The following MERTK variants were observed in gnomAD, a reference collection of about 807,000 sequenced individuals.
MERTK encodes the protein tyrosine-protein kinase Mer.
MERTK carries 69 observed loss-of-function variants against 99.3 expected under a neutral mutation model. The ratio of observed to expected loss-of-function variants is 0.70; its 90% CI spans 0.57 to 0.85. The LOEUF is 0.85. Among genes scored for constraint, MERTK ranks in the 40% least tolerant of loss-of-function variants. The pLI is 0.00. For missense variants in MERTK, 1,125 were observed against 1,249.4 expected, an observed-to-expected ratio of 0.90 and a Z score of 1.50; for synonymous variants, 426 against 467.6, an observed-to-expected ratio of 0.91 and a Z score of 1.15.
intron 8 of MERTK, among the ~76,000 whole-genome samples, chr2:111,983,788 C>T (rs1676419223): frequency 6.6e-6 from 1 of 152,198 alleles, no homozygotes; most frequent in Non-Finnish European, 1.5e-5. Context: ...ACTTCACTGC[C>T]CACGTGACTA....
intron 1 of MERTK, among the ~76,000 whole-genome samples, chr2:111,900,938 A>G (rs1447677620): frequency 1.3e-5 from 2 of 152,164 alleles, no homozygotes; most frequent in African/African-American, 2.4e-5. Flanking sequence ...GAGAGAGACA[A>G]TGAGAATATG....
At chr2:112,027,326 A>G (rs1677485174) in intron 18 of MERTK, among the ~76,000 whole-genome samples, 2 of 151,526 alleles carry the variant, frequency 1.3e-5, no homozygotes, top group African/African-American at 4.8e-5. Context: ...ATATACACAC[A>G]CATATGGCAT....
At chr2:112,019,335 T>TC (rs761929913) in intron 15 of MERTK, 78 bp from the exon 16 acceptor site, 7 of 1,022,430 alleles carry the variant, frequency 6.8e-6, no homozygotes, top group East Asian at 2.4e-5. Context: ...AAAGCATCCT[T>TC]TCCCCCCCCG....
In MERTK at chr2:111,975,280, T is replaced by G. The variant is rs1181528507; in HGVS notation, c.961-9T>G. Reference sequence around the variant, plus strand: ...TAATGCCCGGTCCTCATGTTTACTCTTCGTTTAGGTCAAGGAAGCTGATCC... The same window carrying G: ...TAATGCCCGGTCCTCATGTTTACTCGTCGTTTAGGTCAAGGAAGCTGATCC... On this transcript the variant is annotated splice_polypyrimidine_tract_variant and intron_variant, in intron 6 of 18. Coordinates refer to ENST00000295408, the MANE Select transcript of MERTK (RefSeq NM_006343.3). The G allele has an allele frequency of 1.2e-6, 2 of 1,614,176 alleles. No individual in the cohort carries two copies. The highest frequency in any genetic ancestry group is 1.7e-6 in the Non-Finnish European group (2 of 1,179,982).
intron 18 of MERTK, chr2:112,022,685 A>G (rs2104424852): frequency 8.1e-6 from 5 of 617,744 alleles, no homozygotes; most frequent in South Asian, 7.6e-5. Context: ...AAAATTCCTT[A>G]CACACCTCTA....
At chr2:112,009,367 C>T (rs1677047998) in intron 14 of MERTK, among the ~76,000 whole-genome samples, 1 of 152,204 alleles carries the variant, frequency 6.6e-6, no homozygotes, top group African/African-American at 2.4e-5. Flanking sequence ...CTCTGGCTCT[C>T]AGATTCCATG....
At chr2:111,931,363 A>G (rs1243084734) in intron 2 of MERTK, among the ~76,000 whole-genome samples, 5 of 152,190 alleles carry the variant, frequency 3.3e-5, no homozygotes, top group South Asian at 2.1e-4. Context: ...TTTTTTCTGC[A>G]TCAACTATAA....
Position 111,965,280 on chromosome 2 carries a change from A to G in MERTK, c.844+3A>G. The G allele has an allele frequency of 6.2e-7, 1 of 1,614,062 alleles. No individual in the cohort carries two copies. The highest frequency in any genetic ancestry group is 8.5e-7 in the Non-Finnish European group (1 of 1,179,922). ...GGGAGTGCAGATCAACATCAAAGGT[A>G]AGCAGCAAGGCTAGGCTCCCCATGC... is the stretch of plus-strand genomic sequence containing the variant. On this transcript the variant is annotated splice_donor_region_variant and intron_variant, in intron 5 of 18. Transcript: ENST00000295408.
intron 8 of MERTK, 66 bp from the exon 9 acceptor site, chr2:111,994,185 G>T: frequency 6.3e-7 from 1 of 1,584,334 alleles, no homozygotes; most frequent in Non-Finnish European, 8.7e-7. Context: ...AGAAGGAACT[G>T]TAGATGCACC....
chr2:111,942,177 C>T (rs556853109), intron 2 of MERTK, among the ~76,000 whole-genome samples: 1 of 152,322 alleles, frequency 6.6e-6, no homozygotes, highest in Admixed American at 6.5e-5. Context: ...CAGAGCCGGT[C>T]TTCAAAGGCA....
intron 1 of MERTK, among the ~76,000 whole-genome samples, chr2:111,914,083 T>TTCTG (rs1684301380): frequency 1.5e-5 from 2 of 136,512 alleles, no homozygotes; most frequent in Non-Finnish European, 3.1e-5. Flanking sequence ...CCTCTTTTCT[T>TTCTG]TCTTTCTTTC....
At chr2:112,016,678 G>A (rs943051030) in intron 15 of MERTK, among the ~76,000 whole-genome samples, 14 of 152,344 alleles carry the variant, frequency 9.2e-5, no homozygotes, top group Admixed American at 3.9e-4. Context: ...AGTTCTCATG[G>A]AGATCGATAG....
At chr2:111,970,716 CTCCCTTG>C (rs1676092324) in intron 6 of MERTK, among the ~76,000 whole-genome samples, 1 of 138,184 alleles carries the variant, frequency 7.2e-6, no homozygotes, top group Non-Finnish European at 1.6e-5. Context: ...CTCCCTCCTC[CTCCCTTG>C]TCCTTCCTCC....
intron 4 of MERTK, among the ~76,000 whole-genome samples, chr2:111,948,438 A>C (rs1190568066): frequency 6.6e-6 from 1 of 152,116 alleles, no homozygotes; most frequent in African/African-American, 2.4e-5. Context: ...ATCTATAAGA[A>C]ATGACCTTGA....
chr2:111,965,333 C>T lies in MERTK; in HGVS notation c.844+56C>T. On this transcript the variant is annotated intron_variant, in intron 5 of 18. Coordinates refer to ENST00000295408, the MANE Select transcript of MERTK (RefSeq NM_006343.3). ...GTTCTGGGAGCTGGTGAGGGTACAG[C>T]ATGAGCTTGCAGCTGGCTGCCTGGG... is the stretch of plus-strand genomic sequence containing the variant. The T allele has an allele frequency of 3.2e-6, 5 of 1,557,442 alleles. No homozygotes were observed. The South Asian group carries it at 3.3e-5, about 10-fold the overall frequency.
intron 1 of MERTK, among the ~76,000 whole-genome samples, chr2:111,910,199 A>G (rs910203594): frequency 6.6e-6 from 1 of 151,918 alleles, no homozygotes; most frequent in African/African-American, 2.4e-5. Flanking sequence ...CAGGAGTTTG[A>G]GACTGTACTG....
chr2:112,001,215 A>G lies in MERTK; in HGVS notation c.1619A>G (p.Glu540Gly), dbSNP rs749981811. The G allele has an allele frequency of 6.2e-7, 1 of 1,613,166 alleles. No homozygotes were observed. Among genetic ancestry groups the G allele is most frequent in the Non-Finnish European group, 8.5e-7 (1 of 1,179,104 alleles). Residue 540 changes from glutamate to glycine, a missense_variant, in exon 11 of 19, where the codon GAG becomes GGG. Glu to Gly is a moderately conservative substitution (Grantham distance 98). Coordinates refer to ENST00000295408, the MANE Select transcript of MERTK (RefSeq NM_006343.3). ...QETKFGNAFTEEDSELVVNYI... is the reference protein window; with the variant it reads ...QETKFGNAFTGEDSELVVNYI... ...CATTCACCCAGGAATGCATTCACAG[A>G]GGAGGATTCTGAATTAGTGGTGAAT... is the stretch of plus-strand genomic sequence containing the variant.
At chr2:111,982,682 G>C (rs754585098) in intron 7 of MERTK, among the ~76,000 whole-genome samples, 160 bp from the exon 8 acceptor site, 1 of 152,200 alleles carries the variant, frequency 6.6e-6, no homozygotes, top group Non-Finnish European at 1.5e-5. Flanking sequence ...ATATCTCAGT[G>C]AAAATCTTAG....
intron 4 of MERTK, among the ~76,000 whole-genome samples, chr2:111,956,425 G>A (rs988404134): frequency 2.0e-5 from 3 of 152,056 alleles, no homozygotes; most frequent in East Asian, 1.9e-4. Context: ...GTGGGCTTGC[G>A]TTGATCTTTC....
Sources: gnomAD v4.1 joint callset for allele counts (sites outside exome capture counted in the v4.1 genomes callset) on GRCh38, gnomAD v4.1.1 for gene constraint, MANE v1.5 for transcripts, NCBI Gene and HGNC (gene_info 2026-07-23, HGNC 2026-07-21) for gene names.